TLK1: variants seen among roughly 807,000 people sequenced by gnomAD.
TLK1 encodes tousled like kinase 1.
TLK1 carries 24 observed loss-of-function variants against 105.3 expected under a neutral mutation model. The observed-to-expected ratio is 0.23, with a 90% confidence interval of 0.17 to 0.32. The LOEUF (loss-of-function observed/expected upper bound fraction) is 0.32. TLK1 is among the 10% of genes least tolerant of loss of function. The pLI, the probability that TLK1 is intolerant of heterozygous loss-of-function variation, is 1.00. For missense variants in TLK1, 558 were observed against 910.5 expected, an observed-to-expected ratio of 0.61 and a Z score of 4.98; for synonymous variants, 321 against 310.4, an observed-to-expected ratio of 1.03 and a Z score of -0.36.
chr2:171,169,256 T>C (rs1382311826), intron 1 of TLK1, among the ~76,000 whole-genome samples: 1 of 152,140 alleles, frequency 6.6e-6, no homozygotes, highest in East Asian at 1.9e-4. Flanking sequence ...ATGTACAATA[T>C]TAAGCATATG....
At chr2:171,055,583 T>C (rs1322922981) in intron 6 of TLK1, among the ~76,000 whole-genome samples, 1 of 152,070 alleles carries the variant, frequency 6.6e-6, no homozygotes, top group Non-Finnish European at 1.5e-5. Context: ...TTAATATCAA[T>C]TTATCAATGA....
At chr2:171,163,034 C>T (rs563261932), upstream of TLK1, among the ~76,000 whole-genome samples, 2 of 152,286 alleles carry the variant, frequency 1.3e-5, no homozygotes, top group South Asian at 2.1e-4. Context: ...TCAGGTGATC[C>T]GCCCACCTTG....
chr2:171,126,073 A>G (rs1350534306), intron 1 of TLK1, among the ~76,000 whole-genome samples: 1 of 152,212 alleles, frequency 6.6e-6, no homozygotes, highest in Non-Finnish European at 1.5e-5. Flanking sequence ...TACAAAAGCC[A>G]CTATAAAGAT....
intron 1 of TLK1, among the ~76,000 whole-genome samples, chr2:171,186,811 G>A (rs1693032855): frequency 6.6e-6 from 1 of 152,064 alleles, no homozygotes; most frequent in Admixed American, 6.6e-5. Context: ...TGTAATCTCA[G>A]TACTTTGGGA....
chr2:171,094,775 A>G (rs1689384028), intron 2 of TLK1, among the ~76,000 whole-genome samples: 1 of 151,938 alleles, frequency 6.6e-6, no homozygotes, highest in South Asian at 2.1e-4. Flanking sequence ...TGCCTGGCTA[A>G]TTTTGTATTT....
intron 2 of TLK1, among the ~76,000 whole-genome samples, chr2:171,117,480 A>G (rs1278944994): frequency 2.0e-5 from 3 of 152,226 alleles, no homozygotes; most frequent in Non-Finnish European, 2.9e-5. Flanking sequence ...GGCAGGAAGG[A>G]TAAGAAACTA....
chr2:171,201,155 A>C (rs1693391006), intron 1 of TLK1, among the ~76,000 whole-genome samples: 1 of 152,112 alleles, frequency 6.6e-6, no homozygotes, highest in Non-Finnish European at 1.5e-5. Context: ...AAGTGCTGGG[A>C]TTACAGATGT....
chr2:171,038,991 G>A (rs1686517510), intron 11 of TLK1, among the ~76,000 whole-genome samples: 1 of 151,676 alleles, frequency 6.6e-6, no homozygotes, highest in Non-Finnish European at 1.5e-5. Flanking sequence ...TTATCTTGAG[G>A]CCATGTTATC....
intron 1 of TLK1, among the ~76,000 whole-genome samples, chr2:171,216,290 T>C (rs562789139): frequency 3.3e-5 from 5 of 152,012 alleles, no homozygotes; most frequent in East Asian, 3.9e-4. Context: ...TCCTGGCTAA[T>C]ACGGTGAAAC....
chr2:171,102,689 A>C (rs1558943036), intron 2 of TLK1, among the ~76,000 whole-genome samples: 1 of 152,304 alleles, frequency 6.6e-6, no homozygotes, highest in Admixed American at 6.5e-5. Context: ...CTTTGTGGAG[A>C]CTTAGTCCTT....
intron 3 of TLK1, 132 bp downstream of exon 3, chr2:171,082,649 A>G (rs374479445): frequency 6.7e-6 from 5 of 744,994 alleles, no homozygotes; most frequent in East Asian, 2.6e-5. Context: ...AAGGCAGAAC[A>G]AAACATTCCT....
chr2:171,034,494 A>G (rs1181833706), intron 11 of TLK1, among the ~76,000 whole-genome samples: 1 of 152,242 alleles, frequency 6.6e-6, no homozygotes, highest in East Asian at 1.9e-4. Context: ...AAAAGGTCAT[A>G]TAAGGTATGA....
chr2:170,998,789 T>C (rs781515913), intron 18 of TLK1, among the ~76,000 whole-genome samples: 8 of 152,150 alleles, frequency 5.3e-5, no homozygotes, highest in African/African-American at 9.7e-5. Context: ...TTTTTTTTGA[T>C]ACAGGGTCCA....
chr2:170,990,885 C>G lies in TLK1; in HGVS notation c.*2895G>C, dbSNP rs1683756833. ...ACAGCAAAACAACACACAATATACT[C>G]TTTAAATGTTTCACTGAAGCTCTTC... On this transcript the variant is annotated 3_prime_UTR_variant, in exon 21 of 21. Transcript: ENST00000431350. 6.6e-6 allele frequency: 1 copy of G among 151,944 alleles called. No individual in the cohort carries two copies. Among genetic ancestry groups the G allele is most frequent in the Non-Finnish European group, 1.5e-5 (1 of 68,004 alleles). 9.4% of individuals were successfully genotyped at this position (151,944 alleles called of 1,614,324 possible).
chr2:171,143,342 T>G (rs1238810172), intron 1 of TLK1, among the ~76,000 whole-genome samples: 1 of 150,998 alleles, frequency 6.6e-6, no homozygotes, highest in African/African-American at 2.4e-5. Flanking sequence ...CCATCTCTAC[T>G]AAAATACAAA....
At chr2:171,011,021 T>C (rs2105368319) in intron 14 of TLK1, among the ~76,000 whole-genome samples, 1 of 152,308 alleles carries the variant, frequency 6.6e-6, no homozygotes, top group Non-Finnish European at 1.5e-5. Flanking sequence ...TTTTTTGTTT[T>C]TGAGACAGGG....
chr2:171,141,443 G>A (rs995669770), intron 1 of TLK1, among the ~76,000 whole-genome samples: 5 of 152,144 alleles, frequency 3.3e-5, no homozygotes, highest in Non-Finnish European at 5.9e-5. Context: ...CTACGTCACA[G>A]TTATAAGAAG....
At chr2:171,088,694 G>C (rs913431434) in intron 2 of TLK1, among the ~76,000 whole-genome samples, 5 of 152,148 alleles carry the variant, frequency 3.3e-5, no homozygotes, top group Admixed American at 6.5e-5. Flanking sequence ...GAAGACAATG[G>C]AACAATGCCT....
chr2:171,109,337 C>T (rs1338511010), intron 2 of TLK1, among the ~76,000 whole-genome samples: 1 of 152,020 alleles, frequency 6.6e-6, no homozygotes, highest in South Asian at 2.1e-4. Context: ...ATATTAATAA[C>T]CCTTGTGTTA....
Sources: allele counts gnomAD v4.1 joint callset (sites outside exome capture counted in the v4.1 genomes callset), GRCh38; gene constraint gnomAD v4.1.1; transcripts MANE v1.5; gene names NCBI Gene and HGNC (gene_info 2026-07-23, HGNC 2026-07-21).